SLC35F4: variants seen among roughly 807,000 people sequenced by gnomAD.
SLC35F4 encodes the protein chromosome 14 open reading frame 36.
A neutral mutation model predicts 44.2 loss-of-function variants in SLC35F4; 24 were observed. That is an observed-to-expected ratio of 0.54 (90% CI 0.39 to 0.76). The LOEUF (loss-of-function observed/expected upper bound fraction) is 0.76. Among genes scored for constraint, SLC35F4 ranks in the 30% least tolerant of loss-of-function variants. SLC35F4 has a pLI of 0.00. For missense variants in SLC35F4, 562 were observed against 586.1 expected (o/e 0.96, Z 0.42); for synonymous variants, 238 against 223.6 (o/e 1.06, Z -0.57).
At chr14:57,653,097 C>T (rs1209012689) in intron 1 of SLC35F4, among the ~76,000 whole-genome samples, 1 of 152,132 alleles carries the variant, frequency 6.6e-6, no homozygotes, top group Non-Finnish European at 1.5e-5. Flanking sequence ...GGTACATATT[C>T]CCTTGGAAGT....
At chr14:57,670,863 C>T (rs2074492503) in intron 1 of SLC35F4, among the ~76,000 whole-genome samples, 1 of 149,708 alleles carries the variant, frequency 6.7e-6, no homozygotes, top group Non-Finnish European at 1.5e-5. Context: ...GCCACAGAAG[C>T]TATAGAGGAC....
chr14:57,759,027 C>T (rs2077061635), intron 1 of SLC35F4, among the ~76,000 whole-genome samples: 1 of 152,084 alleles, frequency 6.6e-6, no homozygotes, highest in Non-Finnish European at 1.5e-5. Context: ...AGCATAATGT[C>T]CCCTGGAATC....
chr14:57,740,306 T>A (rs890366613), intron 1 of SLC35F4, among the ~76,000 whole-genome samples: 2 of 152,228 alleles, frequency 1.3e-5, no homozygotes, highest in African/African-American at 2.4e-5. Context: ...TTCCAAGTAC[T>A]CACTGACATA....
At chr14:57,743,127 T>C (rs2076660398) in intron 1 of SLC35F4, among the ~76,000 whole-genome samples, 1 of 152,068 alleles carries the variant, frequency 6.6e-6, no homozygotes, top group Admixed American at 6.5e-5. Context: ...GCAGCAAAGA[T>C]ATAAAATTGA....
chr14:57,572,137 C>A, intron 4 of SLC35F4, 118 bp from the exon 5 acceptor site: 1 of 1,183,708 alleles, frequency 8.4e-7, no homozygotes, highest in Non-Finnish European at 1.2e-6. Flanking sequence ...ACCTTTTGTA[C>A]ATCACTTTAA....
chr14:57,673,150 C>CT (rs1424775781), intron 1 of SLC35F4, among the ~76,000 whole-genome samples: 1 of 152,016 alleles, frequency 6.6e-6, no homozygotes, highest in African/African-American at 2.4e-5. Flanking sequence ...CAATAGGCCA[C>CT]TTTTTTATGT....
intron 1 of SLC35F4, among the ~76,000 whole-genome samples, chr14:57,954,536 T>C (rs1353399011): frequency 6.6e-6 from 1 of 151,654 alleles, no homozygotes; most frequent in African/African-American, 2.4e-5. Flanking sequence ...GCCAGACTAA[T>C]AAAGAAGAAA....
intron 1 of SLC35F4, among the ~76,000 whole-genome samples, chr14:57,620,536 G>A (rs2072120937): frequency 1.3e-5 from 2 of 152,240 alleles, no homozygotes; most frequent in Admixed American, 1.3e-4. Context: ...AGCTCCTGAA[G>A]GAAGCACTAA....
At chr14:57,697,532 C>T (rs2075418185) in intron 1 of SLC35F4, among the ~76,000 whole-genome samples, 1 of 151,912 alleles carries the variant, frequency 6.6e-6, no homozygotes, top group African/African-American at 2.4e-5. Context: ...AAAACCCCAT[C>T]TCTACAAAAA....
intron 1 of SLC35F4, among the ~76,000 whole-genome samples, chr14:57,669,255 A>G (rs1368202173): frequency 4.0e-5 from 6 of 151,828 alleles, no homozygotes; most frequent in Non-Finnish European, 7.4e-5. Context: ...TTTTCTAGAT[A>G]TACAATCATG....
At chr14:57,639,257 T>G (rs1352422070) in intron 1 of SLC35F4, among the ~76,000 whole-genome samples, 2 of 152,116 alleles carry the variant, frequency 1.3e-5, no homozygotes, top group Admixed American at 6.6e-5. Context: ...CACTGCCTGT[T>G]TCTTGCCCTA....
intron 1 of SLC35F4, among the ~76,000 whole-genome samples, chr14:57,798,090 G>C (rs868847051): frequency 8.4e-6 from 1 of 118,390 alleles, no homozygotes; most frequent in South Asian, 3.0e-4. Context: ...CTGAGCCTAG[G>C]TAAACTTCAC....
chr14:57,721,667 G>A (rs2076087704), intron 1 of SLC35F4, among the ~76,000 whole-genome samples: 1 of 152,192 alleles, frequency 6.6e-6, no homozygotes, highest in Non-Finnish European at 1.5e-5. Context: ...TGAAAAGACT[G>A]GAAAAGAATG....
At chr14:57,898,372 C>G (rs1888928715) in intron 1 of SLC35F4, among the ~76,000 whole-genome samples, 1 of 152,174 alleles carries the variant, frequency 6.6e-6, no homozygotes, top group Non-Finnish European at 1.5e-5. Flanking sequence ...AGGTTTAGGA[C>G]ATACAACGAT....
intron 1 of SLC35F4, among the ~76,000 whole-genome samples, chr14:57,935,571 TC>T (rs1745906434): frequency 6.6e-6 from 1 of 152,190 alleles, no homozygotes; most frequent in East Asian, 1.9e-4. Flanking sequence ...AATGGCCCCT[TC>T]TAATATTATT....
chr14:57,740,693 T>C (rs768026079), intron 1 of SLC35F4, among the ~76,000 whole-genome samples: 17 of 152,240 alleles, frequency 1.1e-4, no homozygotes, highest in Non-Finnish European at 1.8e-4. Flanking sequence ...CTTATGGTGA[T>C]GGCTATCCCA....
At chr14:57,712,202 A>G (rs1400013707) in intron 1 of SLC35F4, among the ~76,000 whole-genome samples, 1 of 152,182 alleles carries the variant, frequency 6.6e-6, no homozygotes, top group Non-Finnish European at 1.5e-5. Flanking sequence ...GGAACATGCC[A>G]CCTTCTCGGG....
intron 1 of SLC35F4, among the ~76,000 whole-genome samples, chr14:57,874,798 A>G (rs1011986359): frequency 3.9e-5 from 6 of 152,140 alleles, no homozygotes; most frequent in Non-Finnish European, 8.8e-5. Flanking sequence ...CCTCTGGCTG[A>G]GCCCTGGGCT....
At chr14:57,835,375 G>A (rs1884815671) in intron 1 of SLC35F4, among the ~76,000 whole-genome samples, 1 of 152,134 alleles carries the variant, frequency 6.6e-6, no homozygotes, top group African/African-American at 2.4e-5. Flanking sequence ...ACAGTGGATG[G>A]GAAATATAAT....
Sources: gnomAD v4.1 joint callset for allele counts (sites outside exome capture counted in the v4.1 genomes callset) on GRCh38, gnomAD v4.1.1 for gene constraint, MANE v1.5 for transcripts, NCBI Gene and HGNC (gene_info 2026-07-23, HGNC 2026-07-21) for gene names.